Variants in FCHSD2 observed in about 807,000 individuals in gnomAD.
FCHSD2 encodes F-BAR and double SH3 domains protein 2.
Under a neutral mutation model 108.1 loss-of-function variants are expected in FCHSD2, and 38 were observed. That is an observed-to-expected ratio of 0.35 (90% CI 0.27 to 0.46). FCHSD2 has a LOEUF of 0.46. FCHSD2 is among the 20% of genes least tolerant of loss of function. FCHSD2 has a pLI of 1.00. For missense variants in FCHSD2, 751 were observed against 897.8 expected, an observed-to-expected ratio of 0.84 and a Z score of 2.09; for synonymous variants, 279 against 314.7, an observed-to-expected ratio of 0.89 and a Z score of 1.20.
At chr11:72,967,306 T>C (rs1392614009) in intron 8 of FCHSD2, among the ~76,000 whole-genome samples, 2 of 149,840 alleles carry the variant, frequency 1.3e-5, no homozygotes, top group African/African-American at 2.5e-5. Flanking sequence ...GTGGGGGAAA[T>C]AGATGAGAAT....
At chr11:73,102,401 A>G (rs1170831668) in intron 2 of FCHSD2, among the ~76,000 whole-genome samples, 2 of 152,232 alleles carry the variant, frequency 1.3e-5, no homozygotes, top group Admixed American at 6.5e-5. Flanking sequence ...ATAAAAACAT[A>G]TGTCCACAGA....
chr11:72,924,213 C>T (rs1326984080), intron 8 of FCHSD2, among the ~76,000 whole-genome samples: 1 of 152,114 alleles, frequency 6.6e-6, no homozygotes, highest in Non-Finnish European at 1.5e-5. Context: ...ATAGCTGGGA[C>T]CACAGGCACT....
intron 8 of FCHSD2, among the ~76,000 whole-genome samples, chr11:72,925,173 T>TG (rs1856052551): frequency 6.6e-6 from 1 of 152,126 alleles, no homozygotes; most frequent in Non-Finnish European, 1.5e-5. Flanking sequence ...GCTGTATGGG[T>TG]GCAAGTGAGA....
intron 9 of FCHSD2, among the ~76,000 whole-genome samples, chr11:72,913,477 C>G (rs531218833): frequency 1.3e-5 from 2 of 152,258 alleles, no homozygotes; most frequent in East Asian, 3.9e-4. Flanking sequence ...CCATGTTGGC[C>G]AGGCTGATCG....
chr11:72,844,342 G>A (rs1211930013), intron 14 of FCHSD2, among the ~76,000 whole-genome samples: 1 of 152,108 alleles, frequency 6.6e-6, no homozygotes, highest in African/African-American at 2.4e-5. Flanking sequence ...TAAAGCAGTG[G>A]CCAAAAGAAA....
intron 3 of FCHSD2, among the ~76,000 whole-genome samples, chr11:73,052,901 C>T (rs532731599): frequency 4.6e-5 from 7 of 152,240 alleles, no homozygotes; most frequent in South Asian, 2.1e-4. Context: ...GACTGGAGAG[C>T]AGTGGTGTGG....
At chr11:73,042,879 C>T (rs1463534139) in intron 3 of FCHSD2, among the ~76,000 whole-genome samples, 3 of 151,982 alleles carry the variant, frequency 2.0e-5, no homozygotes, top group Admixed American at 1.3e-4. Context: ...TATAGAAATG[C>T]TACTGATTTT....
chr11:72,990,428 A>C (rs1857389525), intron 5 of FCHSD2, among the ~76,000 whole-genome samples: 1 of 152,230 alleles, frequency 6.6e-6, no homozygotes, highest in African/African-American at 2.4e-5. Context: ...CACTGCACTT[A>C]TTCCAAAACT....
chr11:72,845,662 T>G (rs1861112671), intron 14 of FCHSD2, among the ~76,000 whole-genome samples: 1 of 152,134 alleles, frequency 6.6e-6, no homozygotes, highest in African/African-American at 2.4e-5. Context: ...TCTTGACGCT[T>G]TGGCCCCTGC....
At chr11:72,887,120 T>C (rs1156952979) in intron 12 of FCHSD2, among the ~76,000 whole-genome samples, 3 of 151,564 alleles carry the variant, frequency 2.0e-5, no homozygotes, top group African/African-American at 4.8e-5. Flanking sequence ...GATATTGATA[T>C]ATAAGGAGAT....
At chr11:72,903,789 T>C (rs1432660874) in intron 9 of FCHSD2, among the ~76,000 whole-genome samples, 1 of 152,146 alleles carries the variant, frequency 6.6e-6, no homozygotes, top group Non-Finnish European at 1.5e-5. Context: ...TACCTCTACT[T>C]TAGTAGTCCT....
At chr11:73,061,484 G>C (rs938734767) in intron 3 of FCHSD2, among the ~76,000 whole-genome samples, 1 of 152,226 alleles carries the variant, frequency 6.6e-6, no homozygotes, top group Admixed American at 6.5e-5. Context: ...GGAAAGGGGT[G>C]CTGAAGCCAG....
intron 4 of FCHSD2, among the ~76,000 whole-genome samples, chr11:73,014,679 T>A (rs748882724): frequency 1.3e-5 from 2 of 152,138 alleles, no homozygotes; most frequent in African/African-American, 2.4e-5. Flanking sequence ...AATACTAAGT[T>A]CTCAATTACC....
chr11:73,051,776 C>T (rs34368733), intron 3 of FCHSD2, among the ~76,000 whole-genome samples: 6,550 of 151,572 alleles, frequency 0.043, 201 homozygotes, highest in Non-Finnish European at 0.068. Context: ...AATTGCAAAG[C>T]CAACAGAAGC....
intron 8 of FCHSD2, among the ~76,000 whole-genome samples, chr11:72,966,816 GAAGAAAATATA>G (rs1856916294): frequency 6.6e-6 from 1 of 152,156 alleles, no homozygotes; most frequent in Non-Finnish European, 1.5e-5. Flanking sequence ...CCTGACGCTA[GAAGAAAATATA>G]ATAGAGGAAT....
At chr11:72,933,273 T>C (rs1228347626) in intron 8 of FCHSD2, among the ~76,000 whole-genome samples, 2 of 152,166 alleles carry the variant, frequency 1.3e-5, no homozygotes, top group African/African-American at 4.8e-5. Flanking sequence ...AAAAATGGCC[T>C]ATCCTTCCCA....
chr11:73,102,782 A>G (rs1436393910), intron 2 of FCHSD2, among the ~76,000 whole-genome samples: 1 of 152,094 alleles, frequency 6.6e-6, no homozygotes, highest in Non-Finnish European at 1.5e-5. Context: ...TTGATTTTGG[A>G]CTTCCCAGCC....
In FCHSD2 at chr11:72,841,549, G is replaced by A. The variant is rs141914231; in HGVS notation, c.1961C>T (p.Pro654Leu). 1.9e-5 allele frequency: 30 copies of A among 1,610,754 alleles called. No individual in the cohort carries two copies. The highest frequency in any genetic ancestry group is 2.5e-5 in the Non-Finnish European group (29 of 1,178,740). ...SPSPKPHASL[P>L]PLPLYDQPPS... Reference sequence around the variant, plus strand: ...AGGCTGGTCGTACAACGGCAGTGGAGGCAGGGAGGCGTGTGGCTTGGGGGA... The same window carrying A: ...AGGCTGGTCGTACAACGGCAGTGGAAGCAGGGAGGCGTGTGGCTTGGGGGA... Residue 654 changes from proline to leucine, a missense_variant, in exon 18 of 20, where the codon CCT becomes CTT. Transcript: ENST00000409418.
At chr11:72,948,678 T>TC (rs957717051) in intron 8 of FCHSD2, among the ~76,000 whole-genome samples, 1 of 151,542 alleles carries the variant, frequency 6.6e-6, no homozygotes, top group African/African-American at 2.4e-5. Flanking sequence ...TTTCTTTTTT[T>TC]TTTTTGAGAG....
Sources: allele counts gnomAD v4.1 joint callset (sites outside exome capture counted in the v4.1 genomes callset), GRCh38; gene constraint gnomAD v4.1.1; transcripts MANE v1.5; gene names NCBI Gene and HGNC (gene_info 2026-07-23, HGNC 2026-07-21).